MERTK: variants seen among roughly 807,000 people sequenced by gnomAD.
MERTK encodes MER proto-oncogene, tyrosine kinase, also known as tyrosine-protein kinase Mer.
In MERTK, 69 loss-of-function variants were observed where a neutral mutation model predicts 99.3. The ratio of observed to expected loss-of-function variants is 0.70; its 90% confidence interval spans 0.57 to 0.85. MERTK has a LOEUF of 0.85. MERTK is among the 40% of genes least tolerant of loss of function. The probability of loss-of-function intolerance (pLI) is 0.00; values close to 1 mark genes in which losing one functional copy is unlikely to be tolerated. For synonymous variants in MERTK, 426 were observed against 467.6 expected, an observed-to-expected ratio of 0.91 and a Z score of 1.15; for missense variants, 1,125 against 1,249.4, an observed-to-expected ratio of 0.90 and a Z score of 1.50.
intron 2 of MERTK, chr2:111,941,049 T>C (rs1684857520): frequency 9.9e-6 from 5 of 502,632 alleles, no homozygotes; most frequent in Non-Finnish European, 1.5e-5. Context: ...TCCCCGCTTC[T>C]CACTCTCTTT....
chr2:111,944,533 A>ATGCCTTAAAATAATTCCTCT (rs1265922025), intron 2 of MERTK, among the ~76,000 whole-genome samples: 1 of 151,258 alleles, frequency 6.6e-6, no homozygotes, highest in African/African-American at 2.4e-5. Context: ...TTAAGGAATT[A>ATGCCTTAAAATAATTCCTCT]GCTCACACAC....
chr2:111,903,370 T>G (rs560396563), intron 1 of MERTK, among the ~76,000 whole-genome samples: 1 of 152,340 alleles, frequency 6.6e-6, no homozygotes, highest in South Asian at 2.1e-4. Context: ...GTGATGCCAA[T>G]GTGATTTCAT....
intron 4 of MERTK, among the ~76,000 whole-genome samples, chr2:111,948,620 C>CT: frequency 6.6e-6 from 1 of 152,284 alleles, no homozygotes; most frequent in East Asian, 1.9e-4. Context: ...CCCATCCTTC[C>CT]TTTTTCTCAT....
At position 111,992,620 on chromosome 2, in the gene MERTK, G is replaced by A. The variant is rs1243599978; in HGVS notation, c.1297-1631G>A. On this transcript the variant is annotated intron_variant, in intron 8 of 18. Transcript: ENST00000295408. ...ACAAAAATTAGCTTGGTGTGGTGGT[G>A]TGCACCTGTAGTCCCAGCTACTCAG... Among the ~76,000 whole-genome samples, 3 of 151,890 alleles carry A rather than the reference G, an allele frequency of 2.0e-5. No individual in the cohort carries two copies. In the East Asian group the frequency reaches 5.8e-4, roughly 29 times the overall value.
At chr2:111,903,714 C>G (rs1050792058) in intron 1 of MERTK, among the ~76,000 whole-genome samples, 2 of 152,146 alleles carry the variant, frequency 1.3e-5, no homozygotes, top group African/African-American at 2.4e-5. Flanking sequence ...AAGTGTTAAC[C>G]GGGACTGGCT....
intron 2 of MERTK, among the ~76,000 whole-genome samples, chr2:111,933,416 A>G (rs1006243649): frequency 6.6e-6 from 1 of 152,222 alleles, no homozygotes; most frequent in African/African-American, 2.4e-5. Flanking sequence ...AGCGACATCT[A>G]TGTGGACTAT....
At position 112,029,398 on chromosome 2, in the gene MERTK, G is replaced by A; in HGVS notation, c.*534G>A. 1 of 915,092 alleles carries A rather than the reference G, an allele frequency of 1.1e-6. No individual in the cohort carries two copies. Among genetic ancestry groups the A allele is most frequent in the Non-Finnish European group, 1.3e-6 (1 of 765,702 alleles). The allele number at this position is 915,092 out of a possible 1,614,324, so 56.7% of individuals were successfully genotyped here. ...TGTTGAACTTACTTGAGACTTGAAA[G>A]ACAGTGGTCGGCAGCGGCCTTGTGG... On this transcript the variant is annotated 3_prime_UTR_variant, in exon 19 of 19. Coordinates refer to ENST00000295408, the MANE Select transcript of MERTK (RefSeq NM_006343.3).
At chr2:112,000,506 TG>T (rs756096728) in intron 10 of MERTK, among the ~76,000 whole-genome samples, 5 of 152,174 alleles carry the variant, frequency 3.3e-5, no homozygotes, top group Non-Finnish European at 7.4e-5. Context: ...TTTTGTAGGA[TG>T]CCCCTCTATT....
rs188493935 is a variant in MERTK at position 111,919,939 on chromosome 2, T to C, written c.62-9181T>C. 7.0e-4 allele frequency among the ~76,000 whole-genome samples: 106 copies of C among 151,852 alleles called. 1 individual carries two copies. In the Middle Eastern group the frequency reaches 0.017, roughly 24 times the overall value. ...TGCTGCAAGCCTTGGTTCAGAGAGGTTGGATAGCTTTCCTGGTGTGCCAGG... is the reference window on the plus strand; with the variant it reads ...TGCTGCAAGCCTTGGTTCAGAGAGGCTGGATAGCTTTCCTGGTGTGCCAGG... On this transcript the variant is annotated intron_variant, in intron 1 of 18. Transcript: ENST00000295408.
intron 4 of MERTK, among the ~76,000 whole-genome samples, 196 bp downstream of exon 4, chr2:111,947,763 G>A (rs1684987272): frequency 6.6e-6 from 1 of 152,164 alleles, no homozygotes; most frequent in African/African-American, 2.4e-5. Context: ...CCAAGGTGGG[G>A]AAACAGGTGA....
chr2:112,028,612 A>G lies in MERTK; in HGVS notation c.2748A>G (p.Thr916=). 1 of 1,614,236 alleles carries G rather than the reference A, an allele frequency of 6.2e-7. No homozygotes were observed. Among genetic ancestry groups the G allele is most frequent in the Non-Finnish European group, 8.5e-7 (1 of 1,180,048 alleles). ...CTPRAAISVV[T]AEVHDSKPHE... is the part of the protein sequence containing the mutation. Reference sequence around the variant, plus strand: ...CCCGCGCTGCCATCAGTGTGGTCACAGCAGAAGTTCATGACAGCAAACCTC... The same window carrying G: ...CCCGCGCTGCCATCAGTGTGGTCACGGCAGAAGTTCATGACAGCAAACCTC... Residue 916 remains threonine, a synonymous_variant, in exon 19 of 19, where the codon ACA becomes ACG. Coordinates refer to ENST00000295408, the MANE Select transcript of MERTK (RefSeq NM_006343.3).
Position 111,968,226 on chromosome 2 carries a change from T to C in MERTK, c.934T>C (p.Ser312Pro). 1 of 1,613,812 alleles carries C rather than the reference T, an allele frequency of 6.2e-7. No homozygotes were observed. Among genetic ancestry groups the C allele is most frequent in the East Asian group, 2.2e-5 (1 of 44,876 alleles). ...CTGGGTTCCTGGTTTTGATGGATAC[T>C]CCCCGTTCAGGAATTGCAGCATTCA... ...ISWVPGFDGYSPFRNCSIQVK... is the reference protein window; with the variant it reads ...ISWVPGFDGYPPFRNCSIQVK... Residue 312 changes from serine to proline, a missense_variant, in exon 6 of 19, where the codon TCC (serine) becomes CCC (proline). Physicochemically the swap from Ser to Pro is moderately conservative, Grantham distance 74. Coordinates refer to ENST00000295408, the MANE Select transcript of MERTK (RefSeq NM_006343.3).
In MERTK at chr2:111,969,544, C is replaced by G. The variant is rs116348658; in HGVS notation, c.960+1292C>G. On this transcript the variant is annotated intron_variant, in intron 6 of 18. Transcript: ENST00000295408. The stretch of plus-strand genomic sequence containing the variant: ...AGCTCAAAGAATTTTGTGTTGACAA[C>G]TAGATGTTTTTACTCGCTAGTCAAA... Among the ~76,000 whole-genome samples the G allele has an allele frequency of 9.9e-3, 1,506 of 152,254 alleles. 27 individuals carry two copies. Among genetic ancestry groups the G allele is most frequent in the African/African-American group, 0.035 (1,449 of 41,540 alleles).
rs2104399002 is a variant in MERTK, at chr2:111,994,333, G to A, written c.1379G>A (p.Arg460Lys). ...GTCCACAATGCTACGTGCACAGTGA[G>A]GATTGCAGCCGTCACCAGAGGGGGA... ...VQVHNATCTV[R>K]IAAVTRGGVG... Residue 460 changes from arginine to lysine, a missense_variant, in exon 9 of 19, where the codon AGG (arginine) becomes AAG (lysine). Coordinates refer to ENST00000295408, the MANE Select transcript of MERTK (RefSeq NM_006343.3). 6.2e-7 allele frequency: 1 copy of A among 1,614,160 alleles called. No homozygotes were observed. The highest frequency in any genetic ancestry group is 8.5e-7 in the Non-Finnish European group (1 of 1,180,032).
At chr2:111,928,417 G>C (rs946749761) in intron 1 of MERTK, among the ~76,000 whole-genome samples, 2 of 148,716 alleles carry the variant, frequency 1.3e-5, no homozygotes, top group African/African-American at 5.0e-5. Flanking sequence ...TTTTTTTTTC[G>C]AACCTCAATC....
Position 111,944,977 on chromosome 2 carries a change from G to A in MERTK, c.500G>A (p.Arg167His), listed in dbSNP as rs781470358. 44 of 1,613,456 alleles carry A rather than the reference G, an allele frequency of 2.7e-5. 1 individual carries two copies. Among genetic ancestry groups the A allele is most frequent in the Middle Eastern group, 1.6e-4 (1 of 6,062 alleles). ...CTTTGCAGCATAACCAGTGTGCAGCGTTCAGACAATGGGTCGTATATCTGT... is the reference window on the plus strand; with the variant it reads ...CTTTGCAGCATAACCAGTGTGCAGCATTCAGACAATGGGTCGTATATCTGT... ...IASFSITSVQ[R>H]SDNGSYICKM... is the part of the protein sequence containing the mutation. The change falls in exon 3 of 19, where the codon CGT (arginine) becomes CAT (histidine). Residue 167 changes from arginine to histidine, a missense_variant. Arg to His is a conservative substitution (Grantham distance 29). Coordinates refer to ENST00000295408, the MANE Select transcript of MERTK (RefSeq NM_006343.3).
chr2:111,910,843 G>A (rs1212860098), intron 1 of MERTK, among the ~76,000 whole-genome samples: 1 of 152,068 alleles, frequency 6.6e-6, no homozygotes, highest in Admixed American at 6.6e-5. Context: ...GGAAAGGATA[G>A]GAGGAAGGGG....
At chr2:112,023,258 C>CA (rs1677394339) in intron 18 of MERTK, among the ~76,000 whole-genome samples, 1 of 151,892 alleles carries the variant, frequency 6.6e-6, no homozygotes, top group Non-Finnish European at 1.5e-5. Context: ...GCTAAAAATA[C>CA]AAAAAATTAG....
rs545545309 is a variant in MERTK, at chr2:111,991,603, C to CA, written c.1297-2640dup. 6.5e-3 allele frequency among the ~76,000 whole-genome samples: 986 copies of CA among 151,714 alleles called. 8 individuals are homozygous for CA. The highest frequency in any genetic ancestry group is 0.01 in the Non-Finnish European group (712 of 67,860). On this transcript the variant is annotated intron_variant, in intron 8 of 18. Coordinates refer to ENST00000295408, the MANE Select transcript of MERTK (RefSeq NM_006343.3). ...ATTATTAATTTGTTCACTTAATTAA[C>CA]AAAAAAAAGTCTATGGCAAATCTCA... is the stretch of plus-strand genomic sequence containing the variant.
Sources: gnomAD v4.1 joint callset for allele counts (sites outside exome capture counted in the v4.1 genomes callset) on GRCh38, gnomAD v4.1.1 for gene constraint, MANE v1.5 for transcripts, NCBI Gene and HGNC (gene_info 2026-07-23, HGNC 2026-07-21) for gene names.